Variants in ZNF804B observed in about 807,000 individuals in gnomAD.
ZNF804B encodes the protein zinc finger protein 804B.
Under a neutral mutation model 101.4 loss-of-function variants are expected in ZNF804B, and 80 were observed. That is an observed-to-expected ratio of 0.79 (90% CI 0.66 to 0.95). The LOEUF is 0.95. Ranked by LOEUF, ZNF804B falls within the 40% of genes least tolerant of loss-of-function variation. The pLI, the probability that ZNF804B is intolerant of heterozygous loss-of-function variation, is 0.00. For missense variants in ZNF804B, 1,673 were observed against 1,561.9 expected, an observed-to-expected ratio of 1.07 and a Z score of -1.20; for synonymous variants, 622 against 558.8, an observed-to-expected ratio of 1.11 and a Z score of -1.59.
intron 1 of ZNF804B, among the ~76,000 whole-genome samples, chr7:88,898,502 A>G (rs1792343166): frequency 6.6e-6 from 1 of 151,736 alleles, no homozygotes; most frequent in South Asian, 2.1e-4. Flanking sequence ...CACACATGCT[A>G]GAAATCTAAT....
At chr7:88,980,478 A>G (rs76427255) in intron 1 of ZNF804B, among the ~76,000 whole-genome samples, 2,708 of 152,064 alleles carry the variant, frequency 0.018, 87 homozygotes, top group African/African-American at 0.062. Flanking sequence ...AAGGGAATTA[A>G]TTGTTGTGAT....
intron 1 of ZNF804B, among the ~76,000 whole-genome samples, chr7:88,915,420 CTT>C (rs551294347): frequency 1.1e-3 from 165 of 151,998 alleles, no homozygotes; most frequent in African/African-American, 3.8e-3. Context: ...TCTATTCCAA[CTT>C]AAACAGAAAC....
intron 1 of ZNF804B, among the ~76,000 whole-genome samples, chr7:89,135,942 T>C (rs1173768506): frequency 6.6e-6 from 1 of 152,130 alleles, no homozygotes; most frequent in Non-Finnish European, 1.5e-5. Flanking sequence ...ATATTCTTTA[T>C]TGATAGATCA....
Position 88,807,434 on chromosome 7 carries a change from A to G in ZNF804B, c.108+47350A>G, listed in dbSNP as rs918248171. On this transcript the variant is annotated intron_variant, in intron 1 of 3. Transcript: ENST00000333190. The stretch of plus-strand genomic sequence containing the variant: ...CACACCATACAGAAGAGCTAGATTA[A>G]ATCTTGAATGCTTTGTGTTACGTGA... 3.9e-5 allele frequency among the ~76,000 whole-genome samples: 6 copies of G among 152,236 alleles called. No homozygotes were observed. In the East Asian group the frequency reaches 7.7e-4, roughly 20 times the overall value.
rs183600133 is a variant in ZNF804B, at chr7:89,119,911, T to C, written c.109-98244T>C. Among the ~76,000 whole-genome samples the C allele has an allele frequency of 6.6e-4, 100 of 152,344 alleles. 1 individual carries two copies. The highest frequency in any genetic ancestry group is 2.2e-3 in the African/African-American group (92 of 41,582). ...AACATGCTCATATGGATAGCAAGGT[T>C]TATTCCCAAGTGGGTTGAGTTCCTT... is the stretch of plus-strand genomic sequence containing the variant. On this transcript the variant is annotated intron_variant, in intron 1 of 3. Transcript: ENST00000333190.
intron 1 of ZNF804B, among the ~76,000 whole-genome samples, chr7:88,787,379 A>G (rs962214728): frequency 6.6e-6 from 1 of 152,006 alleles, no homozygotes; most frequent in Admixed American, 6.6e-5. Context: ...TGTTAACCAA[A>G]TAGTGAACTC....
chr7:88,901,986 A>C (rs1327421900), intron 1 of ZNF804B, among the ~76,000 whole-genome samples: 3 of 151,954 alleles, frequency 2.0e-5, no homozygotes, highest in African/African-American at 7.2e-5. Flanking sequence ...ATTAGAACAC[A>C]GTCATCAAAG....
At chr7:88,773,345 G>A (rs1790096116) in intron 1 of ZNF804B, among the ~76,000 whole-genome samples, 1 of 152,194 alleles carries the variant, frequency 6.6e-6, no homozygotes, top group Non-Finnish European at 1.5e-5. Flanking sequence ...ACATCTGGAA[G>A]AAGCCAAAGA....
Position 89,157,422 on chromosome 7 carries a change from C to T in ZNF804B, c.109-60733C>T, listed in dbSNP as rs1304262145. Reference sequence around the variant, plus strand: ...CTTTTTATAAGTTGTAAAACATGTACTAGGACACATCTTTGGTGAACATAT... The same window carrying T: ...CTTTTTATAAGTTGTAAAACATGTATTAGGACACATCTTTGGTGAACATAT... On this transcript the variant is annotated intron_variant, in intron 1 of 3. Coordinates refer to ENST00000333190, the MANE Select transcript of ZNF804B (RefSeq NM_181646.5). Among the ~76,000 whole-genome samples, 8 of 152,162 alleles carry T rather than the reference C, an allele frequency of 5.3e-5. No homozygotes were observed. In the East Asian group the frequency reaches 1.4e-3, roughly 26 times the overall value.
At chr7:89,144,685 A>C (rs182548566) in intron 1 of ZNF804B, among the ~76,000 whole-genome samples, 1 of 152,184 alleles carries the variant, frequency 6.6e-6, no homozygotes, top group Admixed American at 6.6e-5. Context: ...TTGCTAACAT[A>C]ATAGATTTTA....
At chr7:89,178,229 CTA>C (rs1788235724) in intron 1 of ZNF804B, among the ~76,000 whole-genome samples, 1 of 151,636 alleles carries the variant, frequency 6.6e-6, no homozygotes, top group Admixed American at 6.6e-5. Flanking sequence ...TTTACATACT[CTA>C]TGTCTTTTGA....
chr7:89,219,879 ATG>A (rs1366968476), intron 2 of ZNF804B, among the ~76,000 whole-genome samples: 9 of 141,310 alleles, frequency 6.4e-5, no homozygotes, highest in Middle Eastern at 4.5e-3. Context: ...TATGTAGTAT[ATG>A]TGTGTATATA....
chr7:89,035,261 A>G (rs145612307), intron 1 of ZNF804B, among the ~76,000 whole-genome samples: 1 of 152,272 alleles, frequency 6.6e-6, no homozygotes, highest in East Asian at 1.9e-4. Flanking sequence ...GATGTTATGT[A>G]TGTAGGAAAA....
At chr7:89,100,709 A>G (rs1790042007) in intron 1 of ZNF804B, among the ~76,000 whole-genome samples, 2 of 152,130 alleles carry the variant, frequency 1.3e-5, no homozygotes, top group African/African-American at 4.8e-5. Flanking sequence ...CATTCACAAT[A>G]TAAATGTGGT....
At chr7:88,995,558 C>T (rs1355534136) in intron 1 of ZNF804B, among the ~76,000 whole-genome samples, 1 of 151,916 alleles carries the variant, frequency 6.6e-6, no homozygotes, top group African/African-American at 2.4e-5. Flanking sequence ...CCCTAAATCC[C>T]AAGCATTCTC....
At chr7:89,309,529 A>G (rs1368514041) in intron 2 of ZNF804B, among the ~76,000 whole-genome samples, 1 of 152,062 alleles carries the variant, frequency 6.6e-6, no homozygotes, top group African/African-American at 2.4e-5. Context: ...TGGGAAGCCA[A>G]AGCAGGCAGA....
intron 1 of ZNF804B, among the ~76,000 whole-genome samples, chr7:88,878,164 A>T (rs1216477516): frequency 6.6e-6 from 1 of 152,142 alleles, no homozygotes; most frequent in African/African-American, 2.4e-5. Flanking sequence ...TGAACTTAAA[A>T]TTCTTCCACT....
chr7:89,015,875 T>C (rs1788546387), intron 1 of ZNF804B, among the ~76,000 whole-genome samples: 1 of 152,098 alleles, frequency 6.6e-6, no homozygotes, highest in Non-Finnish European at 1.5e-5. Context: ...CTGGGTCAAA[T>C]GGTATTTCTA....
At chr7:88,854,527 T>TTCCTTCCTTCCTTCC (rs1554340248) in intron 1 of ZNF804B, among the ~76,000 whole-genome samples, 1 of 40,076 alleles carries the variant, frequency 2.5e-5, no homozygotes, top group Non-Finnish European at 4.6e-5. Context: ...CTTTCCTTCC[T>TTCCTTCCTTCCTTCC]TTCCTTCCTT....
Sources: allele counts gnomAD v4.1 joint callset (sites outside exome capture counted in the v4.1 genomes callset), GRCh38; gene constraint gnomAD v4.1.1; transcripts MANE v1.5; gene names NCBI Gene and HGNC (gene_info 2026-07-23, HGNC 2026-07-21).